The following WNK2 variants were observed in gnomAD, a reference collection of about 807,000 sequenced individuals.
WNK2 encodes the protein WNK lysine deficient protein kinase 2, also known as serine/threonine-protein kinase WNK2.
A neutral mutation model predicts 192.1 loss-of-function variants in WNK2; 67 were observed. The observed-to-expected ratio is 0.35, with a 90% confidence interval of 0.29 to 0.43. WNK2 has a LOEUF of 0.43. Among genes scored for constraint, WNK2 ranks in the 20% least tolerant of loss-of-function variants. The pLI, the probability that WNK2 is intolerant of heterozygous loss-of-function variation, is 1.00. For synonymous variants in WNK2, 1,439 were observed against 1,393.9 expected, an observed-to-expected ratio of 1.03 and a Z score of -0.72; for missense variants, 2,698 against 3,089.7, an observed-to-expected ratio of 0.87 and a Z score of 3.01.
At chr9:93,306,667 G>A (rs1852612803) in intron 26 of WNK2, 110 bp from the exon 27 acceptor site, 2 of 1,374,778 alleles carry the variant, frequency 1.5e-6, no homozygotes, top group South Asian at 2.3e-5. Context: ...TGCTGCCTGT[G>A]TCTGCCCCTC....
At chr9:93,190,788 G>C (rs776653661) in intron 2 of WNK2, among the ~76,000 whole-genome samples, 1 of 152,326 alleles carries the variant, frequency 6.6e-6, no homozygotes, top group African/African-American at 2.4e-5. Context: ...ATGTCCACAC[G>C]TGCCCTGGCT....
chr9:93,213,971 A>G (rs58524644), intron 2 of WNK2, among the ~76,000 whole-genome samples: 1,747 of 152,306 alleles, frequency 0.011, 33 homozygotes, highest in African/African-American at 0.04. Context: ...GTGTACTGTT[A>G]TATAATTTAG....
At chr9:93,216,853 G>T (rs1164380233) in intron 2 of WNK2, among the ~76,000 whole-genome samples, 1 of 149,446 alleles carries the variant, frequency 6.7e-6, no homozygotes, top group South Asian at 2.1e-4. Flanking sequence ...AAAACAAAAA[G>T]AACTAAAAAA....
intron 2 of WNK2, among the ~76,000 whole-genome samples, chr9:93,211,213 A>G (rs62646612): frequency 0.014 from 33 of 2,392 alleles, no homozygotes; most frequent in Admixed American, 0.025. Flanking sequence ...TACTCATTCA[A>G]TCACTCATCC....
chr9:93,311,720 G>A (rs1304818861), intron 28 of WNK2, among the ~76,000 whole-genome samples: 1 of 151,664 alleles, frequency 6.6e-6, no homozygotes. Flanking sequence ...CTACCCTCTA[G>A]GTTCAAGCAA....
chr9:93,314,228 G>A (rs1460816072), intron 28 of WNK2, among the ~76,000 whole-genome samples: 1 of 152,222 alleles, frequency 6.6e-6, no homozygotes, highest in African/African-American at 2.4e-5. Context: ...GTTGCAGTGA[G>A]CCGAGATTGT....
chr9:93,262,672 G>C lies in WNK2; in HGVS notation c.3363G>C (p.Glu1121Asp). 6.2e-7 allele frequency: 1 copy of C among 1,612,674 alleles called. No homozygotes were observed. Among genetic ancestry groups the C allele is most frequent in the Non-Finnish European group, 8.5e-7 (1 of 1,179,884 alleles). Residue 1121 changes from glutamate to aspartate, a missense_variant and splice_region_variant, in exon 14 of 30, where the codon GAG (glutamate) becomes GAC (aspartate). Glu to Asp is a conservative substitution (Grantham distance 45). This residue lies in a region of WNK2 where 893 missense variants were observed against 909.0 expected (regional missense o/e 0.98). Coordinates refer to ENST00000427277, the MANE Select transcript of WNK2 (RefSeq NM_006648.4). ...VQLTVEPVQE[E>D]QASQDKPPGL... Reference sequence around the variant, plus strand: ...TTTTCTCCGGGTGTTTATTTCAGGAGCAGGCCTCACAGGACAAGCCGCCCG... The same window carrying C: ...TTTTCTCCGGGTGTTTATTTCAGGACCAGGCCTCACAGGACAAGCCGCCCG...
intron 14 of WNK2, chr9:93,263,281 G>C: frequency 1.9e-6 from 1 of 515,424 alleles, no homozygotes; most frequent in East Asian, 3.5e-5. Context: ...GGGAAACTGA[G>C]GCACAGGGGC....
intron 19 of WNK2, among the ~76,000 whole-genome samples, chr9:93,279,318 A>G (rs1489906378): frequency 6.6e-6 from 1 of 152,266 alleles, no homozygotes; most frequent in Non-Finnish European, 1.5e-5. Context: ...GCTAACAACA[A>G]TCAAAGATTG....
chr9:93,247,705 G>A lies in WNK2; in HGVS notation c.1705G>A (p.Val569Met), dbSNP rs1841969920. Reference protein sequence around the residue: ...GSPDKARGPPVPLQVQVTYHA... With the variant: ...GSPDKARGPPMPLQVQVTYHA... ...CCCGGACAAGGCCAGGGGTCCGCCGGTGCCCCTGCAGGTCCAGGTGACCTA... is the reference window on the plus strand; with the variant it reads ...CCCGGACAAGGCCAGGGGTCCGCCGATGCCCCTGCAGGTCCAGGTGACCTA... The change falls in exon 8 of 30, where the codon GTG becomes ATG. Residue 569 changes from valine (V) to methionine (M), a missense_variant. Around this residue, in one of 7 missense-constraint regions of WNK2, gnomAD observed 893 missense variants for 909.0 expected, o/e 0.98. Coordinates refer to ENST00000427277, the MANE Select transcript of WNK2 (RefSeq NM_006648.4). The surrounding 1 kb of genome is among the most constrained non-coding windows in gnomAD (Gnocchi z 5.2). 6.4e-7 allele frequency: 1 copy of A among 1,563,972 alleles called. No homozygotes were observed. Among genetic ancestry groups the A allele is most frequent in the South Asian group, 1.2e-5 (1 of 84,964 alleles).
rs1245528794 is a variant in WNK2, at chr9:93,215,894, T to C, written c.682-13802T>C. Among the ~76,000 whole-genome samples the C allele has an allele frequency of 2.0e-5, 3 of 152,240 alleles. No individual in the cohort carries two copies. In the East Asian group the frequency reaches 5.8e-4, roughly 29 times the overall value. On this transcript the variant is annotated intron_variant, in intron 2 of 29. Coordinates refer to ENST00000427277, the MANE Select transcript of WNK2 (RefSeq NM_006648.4). ...CCTGATCTTCTTGGTCATTTTTTAT[T>C]GCTGTGTTTAGAAATTATGGACATA...
intron 2 of WNK2, among the ~76,000 whole-genome samples, chr9:93,213,571 C>T (rs1453256390): frequency 1.3e-5 from 2 of 152,158 alleles, no homozygotes; most frequent in Non-Finnish European, 2.9e-5. Context: ...TGGTGGATCA[C>T]CTGAGATTGG....
rs191997646 is a variant in WNK2 at position 93,279,746 on chromosome 9, A to G, written c.4034-9042A>G. ...ACAAAATGAAATAGTCTGGAAATCA[A>G]CCCACACAACCTACAGATGTTTGGT... On this transcript the variant is annotated intron_variant, in intron 19 of 29. Coordinates refer to ENST00000427277, the MANE Select transcript of WNK2 (RefSeq NM_006648.4). Among the ~76,000 whole-genome samples the G allele has an allele frequency of 2.1e-3, 326 of 152,332 alleles. 1 individual carries two copies. The highest frequency in any genetic ancestry group is 7.6e-3 in the African/African-American group (314 of 41,572).
intron 27 of WNK2, chr9:93,307,883 C>T (rs1230127659): frequency 5.8e-6 from 1 of 172,784 alleles, no homozygotes; most frequent in Non-Finnish European, 1.2e-5. Context: ...GGTACTCCAC[C>T]GCCCCGCGTC....
chr9:93,229,910 G>A lies in WNK2; in HGVS notation c.854+42G>A. On this transcript the variant is annotated intron_variant, in intron 3 of 29. Transcript: ENST00000427277. This position sits in a 1 kb window ranked among gnomAD's most constrained non-coding sequence, Gnocchi z 4.9. The stretch of plus-strand genomic sequence containing the variant: ...GAGGGCTGGGGCGGGTCCTGGCATG[G>A]GTGCAGGGCTACCATAGCTGAGGGT... 6.3e-7 allele frequency: 1 copy of A among 1,596,346 alleles called. No homozygotes were observed. The highest frequency in any genetic ancestry group is 8.6e-7 in the Non-Finnish European group (1 of 1,169,480).
intron 2 of WNK2, among the ~76,000 whole-genome samples, chr9:93,198,770 C>T (rs1321363713): frequency 2.6e-5 from 4 of 152,202 alleles, no homozygotes; most frequent in Non-Finnish European, 5.9e-5. Flanking sequence ...AGTGAATAGC[C>T]CAGACTGCCT....
intron 19 of WNK2, among the ~76,000 whole-genome samples, chr9:93,287,666 G>A (rs959282076): frequency 6.6e-6 from 1 of 152,138 alleles, no homozygotes; most frequent in Non-Finnish European, 1.5e-5. Flanking sequence ...GAGTCTGGGG[G>A]CACGAGGGAG....
chr9:93,296,958 T>C (rs1588525934), intron 23 of WNK2, among the ~76,000 whole-genome samples: 1 of 60,334 alleles, frequency 1.7e-5, no homozygotes, highest in African/African-American at 6.3e-5. Context: ...TTTCCTCCCC[T>C]CTGCATCCCC....
intron 2 of WNK2, among the ~76,000 whole-genome samples, chr9:93,189,399 G>T (rs1245236907): frequency 1.3e-5 from 2 of 152,228 alleles, no homozygotes; most frequent in Non-Finnish European, 2.9e-5. Flanking sequence ...CCCTGGGAGA[G>T]CGGTGGAGTC....
Sources: allele counts gnomAD v4.1 joint callset (sites outside exome capture counted in the v4.1 genomes callset), GRCh38; gene constraint gnomAD v4.1.1; regional missense constraint gnomAD v4.1.1; non-coding constraint Gnocchi (gnomAD v3.1); transcripts MANE v1.5; gene names NCBI Gene and HGNC (gene_info 2026-07-23, HGNC 2026-07-21).